Variants in ALCAM observed in about 807,000 individuals in gnomAD.
ALCAM encodes activated leukocyte cell adhesion molecule.
In ALCAM, 30 loss-of-function variants were observed where a neutral mutation model predicts 70.9. That is an observed-to-expected ratio of 0.42 (90% CI 0.32 to 0.57). The LOEUF (loss-of-function observed/expected upper bound fraction) is 0.57. Among genes scored for constraint, ALCAM ranks in the 20% least tolerant of loss-of-function variants. The pLI is 0.11. For synonymous variants in ALCAM, 249 were observed against 242.5 expected (o/e 1.03, Z -0.25); for missense variants, 591 against 695.1 (o/e 0.85, Z 1.68).
intron 1 of ALCAM, among the ~76,000 whole-genome samples, chr3:105,506,559 G>C (rs767008469): frequency 1.3e-5 from 2 of 152,118 alleles, no homozygotes; most frequent in Non-Finnish European, 2.9e-5. Flanking sequence ...CTTACAGCTC[G>C]TCTTTATAAC....
intron 2 of ALCAM, among the ~76,000 whole-genome samples, chr3:105,521,365 T>C (rs1939540422): frequency 6.6e-6 from 1 of 150,922 alleles, no homozygotes; most frequent in South Asian, 2.1e-4. Flanking sequence ...GTCTTTCATA[T>C]GTAAAATGCA....
chr3:105,542,426 A>C (rs1324373711), intron 8 of ALCAM, among the ~76,000 whole-genome samples: 2 of 151,854 alleles, frequency 1.3e-5, no homozygotes, highest in Non-Finnish European at 2.9e-5. Flanking sequence ...TGAGTTCTTC[A>C]TGACAGTCCA....
chr3:105,544,937 G>A, intron 8 of ALCAM: 1 of 302,540 alleles, frequency 3.3e-6, no homozygotes, highest in Non-Finnish European at 6.4e-6. Flanking sequence ...TAAGGTGATA[G>A]GCCCTAGGGG....
intron 1 of ALCAM, among the ~76,000 whole-genome samples, chr3:105,461,962 T>G (rs1392095853): frequency 6.6e-6 from 1 of 151,654 alleles, no homozygotes; most frequent in African/African-American, 2.4e-5. Flanking sequence ...TAGATACACT[T>G]TAATTATTCT....
At chr3:105,391,797 T>C (rs775609221) in intron 1 of ALCAM, among the ~76,000 whole-genome samples, 15 of 151,740 alleles carry the variant, frequency 9.9e-5, no homozygotes, top group Non-Finnish European at 1.9e-4. Flanking sequence ...TGCTGAATTT[T>C]ATCAAAGGCT....
chr3:105,552,379 C>A, intron 13 of ALCAM, 89 bp from the exon 14 acceptor site: 3 of 1,417,480 alleles, frequency 2.1e-6, no homozygotes, highest in South Asian at 1.2e-5. Context: ...GAGCTTTAGT[C>A]ATTTTTAATA....
At chr3:105,458,013 T>C (rs928676055) in intron 1 of ALCAM, among the ~76,000 whole-genome samples, 3 of 152,082 alleles carry the variant, frequency 2.0e-5, no homozygotes, top group African/African-American at 7.2e-5. Context: ...ACATGCTCAT[T>C]ATAAATCTAA....
chr3:105,513,504 C>G (rs1453109346), intron 1 of ALCAM: 2 of 152,028 alleles, frequency 1.3e-5, no homozygotes, highest in South Asian at 2.1e-4. Context: ...ACAGTGCTCC[C>G]CTCTCACTAC....
intron 14 of ALCAM, among the ~76,000 whole-genome samples, chr3:105,564,966 G>A (rs1362250942): frequency 1.3e-5 from 2 of 152,096 alleles, no homozygotes; most frequent in South Asian, 2.1e-4. Context: ...GGAGACAGAG[G>A]TTGCAGTGAG....
rs188744100 is a variant in ALCAM at position 105,547,767 on chromosome 3, T to C, written c.1374+244T>C. ...AGGGCCATGGAGAAGGGAAGAACCA[T>C]TGTGTCATGGTCAGTATCTGTTTTT... On this transcript the variant is annotated intron_variant, in intron 11 of 15. Coordinates refer to ENST00000306107, the MANE Select transcript of ALCAM (RefSeq NM_001627.4). Among the ~76,000 whole-genome samples, 5 of 151,526 alleles carry C rather than the reference T, an allele frequency of 3.3e-5. No individual in the cohort carries two copies. The East Asian group carries it at 7.8e-4, about 24-fold the overall frequency.
intron 1 of ALCAM, among the ~76,000 whole-genome samples, chr3:105,417,997 A>G (rs865834109): frequency 1.3e-5 from 2 of 151,742 alleles, no homozygotes; most frequent in African/African-American, 4.8e-5. Context: ...AGGTAAAAGT[A>G]TCAGAAAAAA....
chr3:105,438,471 G>A (rs115767636), intron 1 of ALCAM, among the ~76,000 whole-genome samples: 2,000 of 152,094 alleles, frequency 0.013, 38 homozygotes, highest in African/African-American at 0.045. Flanking sequence ...TATTTATTCA[G>A]TATCTACTAG....
intron 1 of ALCAM, among the ~76,000 whole-genome samples, chr3:105,436,269 C>T (rs1293247257): frequency 3.3e-5 from 5 of 152,174 alleles, no homozygotes; most frequent in African/African-American, 1.2e-4. Flanking sequence ...AACTTGTTGC[C>T]AGTGTATTTT....
intron 1 of ALCAM, among the ~76,000 whole-genome samples, chr3:105,400,520 A>G (rs935744131): frequency 1.3e-5 from 2 of 152,202 alleles, no homozygotes; most frequent in African/African-American, 4.8e-5. Flanking sequence ...TACCACTGTC[A>G]TTTTAGAATA....
intron 7 of ALCAM, among the ~76,000 whole-genome samples, 184 bp downstream of exon 7, chr3:105,540,286 G>C (rs1427619877): frequency 1.1e-5 from 1 of 94,382 alleles, no homozygotes; most frequent in Non-Finnish European, 2.2e-5. Flanking sequence ...AATGCTGAGA[G>C]ATTTCAAGGA....
intron 1 of ALCAM, among the ~76,000 whole-genome samples, chr3:105,427,534 A>G (rs979263005): frequency 6.6e-6 from 1 of 151,874 alleles, no homozygotes; most frequent in Non-Finnish European, 1.5e-5. Context: ...GAGGAATCTG[A>G]AGACAGGAAG....
At chr3:105,563,327 ATAGGGT>A (rs1940667650) in intron 14 of ALCAM, among the ~76,000 whole-genome samples, 1 of 149,390 alleles carries the variant, frequency 6.7e-6, no homozygotes, top group Non-Finnish European at 1.5e-5. Flanking sequence ...CTTAGTCTTT[ATAGGGT>A]GTTATCAATT....
chr3:105,458,925 C>T (rs776707940), intron 1 of ALCAM, among the ~76,000 whole-genome samples: 6 of 152,134 alleles, frequency 3.9e-5, no homozygotes, highest in Non-Finnish European at 7.4e-5. Context: ...CTTTTGGATA[C>T]CTTTCATAAA....
intron 14 of ALCAM, among the ~76,000 whole-genome samples, chr3:105,564,919 G>A (rs536449404): frequency 2.0e-5 from 3 of 152,290 alleles, no homozygotes; most frequent in South Asian, 4.1e-4. Context: ...AGTGCCACAC[G>A]CTTGTGATCC....
Sources: allele counts gnomAD v4.1 joint callset (sites outside exome capture counted in the v4.1 genomes callset), GRCh38; gene constraint gnomAD v4.1.1; transcripts MANE v1.5; gene names NCBI Gene and HGNC (gene_info 2026-07-23, HGNC 2026-07-21).